KCNH7: variants seen among roughly 807,000 people sequenced by gnomAD.
The protein encoded by KCNH7 is potassium voltage-gated channel subfamily H member 7, also known as voltage-gated inwardly rectifying potassium channel KCNH7.
Under a neutral mutation model 120.8 loss-of-function variants are expected in KCNH7, and 49 were observed. That is an observed-to-expected ratio of 0.41 (90% confidence interval 0.32 to 0.51). KCNH7 has a LOEUF of 0.51. KCNH7 is among the 20% of genes least tolerant of loss of function. KCNH7 has a pLI of 0.38. For synonymous variants in KCNH7, 547 were observed against 516.1 expected, an observed-to-expected ratio of 1.06 and a Z score of -0.81; for missense variants, 1,097 against 1,446.6, an observed-to-expected ratio of 0.76 and a Z score of 3.92.
At chr2:162,786,140 G>C (rs1683692664) in intron 2 of KCNH7, among the ~76,000 whole-genome samples, 2 of 151,960 alleles carry the variant, frequency 1.3e-5, no homozygotes, top group Non-Finnish European at 2.9e-5. Context: ...CTACTCAGGG[G>C]GCTGAGGCAG....
At chr2:162,670,484 A>AG (rs1553511731) in intron 2 of KCNH7, among the ~76,000 whole-genome samples, 1 of 150,870 alleles carries the variant, frequency 6.6e-6, no homozygotes, top group Non-Finnish European at 1.5e-5. Flanking sequence ...AAAAAAAAAA[A>AG]AAAAAAAAGA....
chr2:162,621,820 G>A (rs549766208), intron 2 of KCNH7, among the ~76,000 whole-genome samples: 46 of 152,104 alleles, frequency 3.0e-4, no homozygotes, highest in African/African-American at 1.1e-3. Context: ...AATTGAAACA[G>A]GTTTATTTAT....
intron 2 of KCNH7, among the ~76,000 whole-genome samples, chr2:162,592,783 A>G (rs1276764552): frequency 6.6e-6 from 1 of 152,088 alleles, no homozygotes; most frequent in Non-Finnish European, 1.5e-5. Flanking sequence ...GATTGGCCTT[A>G]TCAACTTAGT....
chr2:162,628,653 C>T (rs1683645005), intron 2 of KCNH7, among the ~76,000 whole-genome samples: 1 of 151,994 alleles, frequency 6.6e-6, no homozygotes, highest in Admixed American at 6.6e-5. Flanking sequence ...CCCATGTGGT[C>T]TCATCATTTA....
At chr2:162,513,467 CTCCTTCCTTCCTTCCT>C (rs66776235) in intron 4 of KCNH7, among the ~76,000 whole-genome samples, 21 of 104,704 alleles carry the variant, frequency 2.0e-4, no homozygotes, top group South Asian at 1.8e-3. Flanking sequence ...CCTTCCCTCC[CTCCTTCCTTCCTTCCT>C]TCCTTCCTTC....
At chr2:162,762,276 T>C (rs1688994229) in intron 2 of KCNH7, among the ~76,000 whole-genome samples, 1 of 151,972 alleles carries the variant, frequency 6.6e-6, no homozygotes, top group South Asian at 2.1e-4. Context: ...TATATGTATA[T>C]ATACATATGT....
intron 8 of KCNH7, among the ~76,000 whole-genome samples, chr2:162,426,288 A>G (rs901637649): frequency 5.1e-4 from 78 of 151,468 alleles, no homozygotes; most frequent in African/African-American, 1.8e-3. Flanking sequence ...CTTTTAAATT[A>G]TCATAAAGAC....
At chr2:162,783,155 C>T (rs1212725069) in intron 2 of KCNH7, among the ~76,000 whole-genome samples, 1 of 152,200 alleles carries the variant, frequency 6.6e-6, no homozygotes, top group African/African-American at 2.4e-5. Flanking sequence ...GACATCTCTA[C>T]AAGCTTTCCT....
intron 2 of KCNH7, among the ~76,000 whole-genome samples, chr2:162,787,835 C>T (rs1461196160): frequency 1.3e-5 from 2 of 152,106 alleles, no homozygotes; most frequent in Non-Finnish European, 2.9e-5. Flanking sequence ...GACCCTAGTT[C>T]CAGGCCTACT....
chr2:162,452,553 A>G (rs1479730462), intron 6 of KCNH7, among the ~76,000 whole-genome samples: 1 of 152,058 alleles, frequency 6.6e-6, no homozygotes, highest in Non-Finnish European at 1.5e-5. Context: ...TTTGACATCA[A>G]GCTTCTGTTA....
intron 12 of KCNH7, among the ~76,000 whole-genome samples, chr2:162,391,819 T>C (rs1686754010): frequency 6.6e-6 from 1 of 152,046 alleles, no homozygotes; most frequent in Non-Finnish European, 1.5e-5. Context: ...CTGTTGTTCA[T>C]TTCCAGTAAG....
At chr2:162,768,601 G>C (rs1486826820) in intron 2 of KCNH7, among the ~76,000 whole-genome samples, 1 of 152,164 alleles carries the variant, frequency 6.6e-6, no homozygotes, top group Non-Finnish European at 1.5e-5. Flanking sequence ...TCATGAATGA[G>C]AGAGGCCAGT....
Position 162,617,939 on chromosome 2 carries a change from T to G in KCNH7, c.308-80859A>C, listed in dbSNP as rs376889691. Among the ~76,000 whole-genome samples, 26 of 152,172 alleles carry G rather than the reference T, an allele frequency of 1.7e-4. 1 individual carries two copies. The highest frequency in any genetic ancestry group is 1.4e-3 in the East Asian group (7 of 5,178). On this transcript the variant is annotated intron_variant, in intron 2 of 15. Transcript: ENST00000332142. ...AATCATAGAAATGAATACTTATGATTTTGGGGATTTTTTTTTACCCTGATA... is the reference window on the plus strand; with the variant it reads ...AATCATAGAAATGAATACTTATGATGTTGGGGATTTTTTTTTACCCTGATA...
At chr2:162,663,322 T>C (rs1160653590) in intron 2 of KCNH7, among the ~76,000 whole-genome samples, 2 of 152,242 alleles carry the variant, frequency 1.3e-5, no homozygotes, top group Non-Finnish European at 2.9e-5. Context: ...AAAAAAATTT[T>C]ACATTTGCAG....
rs545113340 is a variant in KCNH7, at chr2:162,496,853, A to G, written c.1128+7590T>C. 3.9e-5 allele frequency: 6 copies of G among 152,300 alleles called. No homozygotes were observed. In the South Asian group the frequency reaches 8.3e-4, roughly 21 times the overall value. 9.4% of individuals were successfully genotyped at this position (152,300 alleles called of 1,614,324 possible). On this transcript the variant is annotated intron_variant, in intron 6 of 15. Transcript: ENST00000332142. Reference sequence around the variant, plus strand: ...GTTGTTGTATCTGAAAGACTTTTCAAATCATGTCATTGAAGAAATTCAGGA... The same window carrying G: ...GTTGTTGTATCTGAAAGACTTTTCAGATCATGTCATTGAAGAAATTCAGGA...
At chr2:162,747,078 A>G (rs931665655) in intron 2 of KCNH7, among the ~76,000 whole-genome samples, 3 of 152,174 alleles carry the variant, frequency 2.0e-5, no homozygotes, top group African/African-American at 7.2e-5. Flanking sequence ...CCTATAAAAT[A>G]TTCTTAATGC....
At chr2:162,683,858 A>G (rs992284100) in intron 2 of KCNH7, among the ~76,000 whole-genome samples, 5 of 152,080 alleles carry the variant, frequency 3.3e-5, no homozygotes, top group Admixed American at 6.6e-5. Flanking sequence ...TAAATTTCAT[A>G]TGGAACCAAA....
rs183547801 is a variant in KCNH7 at position 162,461,915 on chromosome 2, T to C, written c.1129-15472A>G. Among the ~76,000 whole-genome samples, 194 of 152,270 alleles carry C rather than the reference T, an allele frequency of 1.3e-3. 1 individual carries two copies. Among genetic ancestry groups the C allele is most frequent in the African/African-American group, 4.4e-3 (181 of 41,570 alleles). On this transcript the variant is annotated intron_variant, in intron 6 of 15. Coordinates refer to ENST00000332142, the MANE Select transcript of KCNH7 (RefSeq NM_033272.4). ...TTGGAGGACAGAGATTGCATGACTT[T>C]CTCTATTTCCCTGCAAGTGATGAAA...
In KCNH7 at chr2:162,392,306, G is replaced by C. The variant is rs373814970; in HGVS notation, c.2710+2083C>G. 4.0e-5 allele frequency among the ~76,000 whole-genome samples: 6 copies of C among 151,872 alleles called. No individual in the cohort carries two copies. In the East Asian group the frequency reaches 9.7e-4, roughly 25 times the overall value. On this transcript the variant is annotated intron_variant, in intron 12 of 15. Transcript: ENST00000332142. ...TGTGTGTGTGCGCATGTGTGTGTAT[G>C]TGTGTGTTTTTGAGGACAAGGAAGC... is the stretch of plus-strand genomic sequence containing the variant.
Sources: gnomAD v4.1 joint callset for allele counts (sites outside exome capture counted in the v4.1 genomes callset) on GRCh38, gnomAD v4.1.1 for gene constraint, MANE v1.5 for transcripts, NCBI Gene and HGNC (gene_info 2026-07-23, HGNC 2026-07-21) for gene names.